MRM1: variants seen among roughly 807,000 people sequenced by gnomAD.
MRM1 encodes rRNA methyltransferase 1, mitochondrial.
MRM1 carries 24 observed loss-of-function variants against 25.0 expected under a neutral mutation model. The ratio of observed to expected loss-of-function variants is 0.96; its 90% CI spans 0.69 to 1.35. The LOEUF is 1.35. MRM1 is among the 40% of genes most tolerant of loss of function. The pLI is 0.00. For synonymous variants in MRM1, 188 were observed against 199.2 expected (o/e 0.94, Z 0.47); for missense variants, 431 against 464.1 (o/e 0.93, Z 0.65).
downstream of MRM1, among the ~76,000 whole-genome samples, chr17:36,609,601 G>C (rs776389844): frequency 1.6e-4 from 24 of 152,208 alleles, no homozygotes; most frequent in Non-Finnish European, 5.9e-5. Context: ...GACGTTGCCA[G>C]ATGGCTTCTA....
the MRM1 span, among the ~76,000 whole-genome samples, chr17:36,631,613 G>C: frequency 6.6e-6 from 1 of 152,206 alleles, no homozygotes; most frequent in South Asian, 2.1e-4. Context: ...CATCCCTCCT[G>C]TCCTGCCAGT....
the MRM1 span, among the ~76,000 whole-genome samples, chr17:36,614,343 C>G: frequency 6.6e-6 from 1 of 152,120 alleles, no homozygotes; most frequent in Non-Finnish European, 1.5e-5. Context: ...CTAACGGCCT[C>G]CTACCCAGCC....
the MRM1 span, among the ~76,000 whole-genome samples, chr17:36,622,942 G>A: frequency 5.3e-4 from 81 of 152,314 alleles, no homozygotes; most frequent in Middle Eastern, 3.4e-3. Context: ...TAGCCCATTC[G>A]CTAGGCGCAG....
rs746969723 is a variant in MRM1 at position 36,607,710 on chromosome 17, G to A, written c.677G>A (p.Gly226Asp). 1.2e-5 allele frequency: 20 copies of A among 1,614,024 alleles called. No individual in the cohort carries two copies. In the South Asian group the frequency reaches 1.6e-4, roughly 13 times the overall value. Residue 226 changes from glycine (G) to aspartate (D), a missense_variant, in exon 3 of 5, where the codon GGC becomes GAC. Coordinates refer to ENST00000614766, the MANE Select transcript of MRM1 (RefSeq NM_024864.5). ...QQGWLVAGTVGCPSTEDPQSS... is the reference protein window; with the variant it reads ...QQGWLVAGTVDCPSTEDPQSS... ...GGCTGGCTCGTGGCCGGCACGGTGGGCTGCCCAAGCACAGAGGATCCCCAG... is the reference window on the plus strand; with the variant it reads ...GGCTGGCTCGTGGCCGGCACGGTGGACTGCCCAAGCACAGAGGATCCCCAG...
the MRM1 span, among the ~76,000 whole-genome samples, chr17:36,632,331 G>A: frequency 7.9e-5 from 12 of 152,114 alleles, no homozygotes; most frequent in Non-Finnish European, 1.8e-4. Context: ...CCAGCTCCCG[G>A]CCATATACCC....
At chr17:36,605,094 C>G (rs1277163636) in intron 2 of MRM1, among the ~76,000 whole-genome samples, 2 of 150,402 alleles carry the variant, frequency 1.3e-5, no homozygotes, top group African/African-American at 4.9e-5. Flanking sequence ...GAGCCGAGAT[C>G]ACAGCGTTGC....
chr17:36,601,778 A>T lies in MRM1; in HGVS notation c.-33A>T. 1 of 1,515,588 alleles carries T rather than the reference A, an allele frequency of 6.6e-7. No homozygotes were observed. Among genetic ancestry groups the T allele is most frequent in the Admixed American group, 2.1e-5 (1 of 48,390 alleles). The allele number at this position is 1,515,588 out of a possible 1,614,324, so 93.9% of individuals were successfully genotyped here. On this transcript the variant is annotated 5_prime_UTR_variant, in exon 1 of 5. Transcript: ENST00000614766. Reference sequence around the variant, plus strand: ...GGGTTACCGCTCCCGGGGACGCAGCAAGGGGCATCGAGTCCCTGGCGGGAG... The same window carrying T: ...GGGTTACCGCTCCCGGGGACGCAGCTAGGGGCATCGAGTCCCTGGCGGGAG...
chr17:36,627,121 G>A, the MRM1 span, among the ~76,000 whole-genome samples: 3 of 152,192 alleles, frequency 2.0e-5, no homozygotes, highest in Non-Finnish European at 4.4e-5. Context: ...GACCCCCTGC[G>A]AACCTGGGCT....
the MRM1 span, among the ~76,000 whole-genome samples, chr17:36,630,721 G>T: frequency 1.3e-5 from 2 of 152,272 alleles, no homozygotes; most frequent in Admixed American, 6.5e-5. Context: ...TGGGGGAGAG[G>T]TCTCGAATGG....
the MRM1 span, among the ~76,000 whole-genome samples, chr17:36,622,774 C>T: frequency 6.6e-6 from 1 of 152,132 alleles, no homozygotes; most frequent in Non-Finnish European, 1.5e-5. Flanking sequence ...AGGGGTATGG[C>T]ATGAGGGCAT....
the MRM1 span, among the ~76,000 whole-genome samples, chr17:36,632,340 C>T: frequency 6.6e-6 from 1 of 152,022 alleles, no homozygotes; most frequent in Non-Finnish European, 1.5e-5. Flanking sequence ...GGCCATATAC[C>T]CATTTCTAAC....
chr17:36,610,250 T>TTG (rs1251673393), downstream of MRM1, among the ~76,000 whole-genome samples: 4 of 151,290 alleles, frequency 2.6e-5, no homozygotes, highest in East Asian at 5.8e-4. Context: ...TTTTTTTTTT[T>TTG]GAGACGGAGT....
In MRM1 at chr17:36,602,493, G is replaced by A; in HGVS notation, c.543-60G>A. On this transcript the variant is annotated intron_variant, in intron 1 of 4. Coordinates refer to ENST00000614766, the MANE Select transcript of MRM1 (RefSeq NM_024864.5). The surrounding 1 kb of genome is among the most constrained non-coding windows in gnomAD (Gnocchi z 4.1). The stretch of plus-strand genomic sequence containing the variant: ...CCCCTAGCCCTTGGGAGCCCTGGGA[G>A]GGTAGGGAGCCGGGCTTGAGATGGC... 2 of 1,610,776 alleles carry A rather than the reference G, an allele frequency of 1.2e-6. No homozygotes were observed. The highest frequency in any genetic ancestry group is 1.7e-6 in the Non-Finnish European group (2 of 1,177,340).
chr17:36,625,457 TCC>T, the MRM1 span, among the ~76,000 whole-genome samples: 2 of 93,160 alleles, frequency 2.1e-5, no homozygotes, highest in Non-Finnish European at 3.9e-5. Context: ...CTTCTCCTCC[TCC>T]TCCTTTTTTT....
chr17:36,609,753 C>A (rs983324101), downstream of MRM1, among the ~76,000 whole-genome samples: 6 of 152,200 alleles, frequency 3.9e-5, no homozygotes, highest in Non-Finnish European at 8.8e-5. Flanking sequence ...GGGGAATAAT[C>A]CTACCTTCCT....
At chr17:36,625,769 G>C in the MRM1 span, among the ~76,000 whole-genome samples, 1 of 151,738 alleles carries the variant, frequency 6.6e-6, no homozygotes, top group Non-Finnish European at 1.5e-5. Context: ...GCCCCTTTTG[G>C]GCTTCTTGAA....
At chr17:36,620,458 G>A in the MRM1 span, among the ~76,000 whole-genome samples, 3 of 152,170 alleles carry the variant, frequency 2.0e-5, no homozygotes, top group Non-Finnish European at 4.4e-5. Flanking sequence ...GACCCAGAAG[G>A]CAGAAACAGG....
In MRM1 at chr17:36,603,174, C is replaced by T. The variant is rs562127477; in HGVS notation, c.636+528C>T. On this transcript the variant is annotated intron_variant, in intron 2 of 4. Coordinates refer to ENST00000614766, the MANE Select transcript of MRM1 (RefSeq NM_024864.5). Reference sequence around the variant, plus strand: ...GGAATCCCCTCTGACCATACCCCCCCCAACCCCCACCCCAACTGCAGGGTG... The same window carrying T: ...GGAATCCCCTCTGACCATACCCCCCTCAACCCCCACCCCAACTGCAGGGTG... 12 of 982,774 alleles carry T rather than the reference C, an allele frequency of 1.2e-5. No homozygotes were observed. The South Asian group carries it at 5.2e-4, about 42-fold the overall frequency. 60.9% of individuals were successfully genotyped at this position (982,774 alleles called of 1,614,324 possible).
At chr17:36,627,201 T>A in the MRM1 span, among the ~76,000 whole-genome samples, 16 of 152,208 alleles carry the variant, frequency 1.1e-4, no homozygotes, top group South Asian at 3.3e-3. Flanking sequence ...CACCTGCAGG[T>A]CTCCTTCAGC....
Sources: allele counts gnomAD v4.1 joint callset (sites outside exome capture counted in the v4.1 genomes callset), GRCh38; gene constraint gnomAD v4.1.1; non-coding constraint Gnocchi (gnomAD v3.1); transcripts MANE v1.5; gene names NCBI Gene and HGNC (gene_info 2026-07-23, HGNC 2026-07-21).